Variants in B3GALT1 observed in about 807,000 individuals in gnomAD.
B3GALT1 encodes beta-1,3-galactosyltransferase 1, also known as UDP-Gal:betaGlcNAc beta 1,3-galactosyltransferase, polypeptide 1.
In B3GALT1, 10 loss-of-function variants were observed where a neutral mutation model predicts 23.2. The observed-to-expected ratio is 0.43, with a 90% CI of 0.27 to 0.73. The LOEUF (loss-of-function observed/expected upper bound fraction) is 0.73. Among genes scored for constraint, B3GALT1 ranks in the 30% least tolerant of loss-of-function variants. B3GALT1 has a pLI of 0.21. For missense variants in B3GALT1, 299 were observed against 405.4 expected (o/e 0.74, Z 2.25); for synonymous variants, 156 against 141.5 (o/e 1.10, Z -0.73).
At chr2:167,483,091 C>T (rs1285577523) in intron 1 of B3GALT1, among the ~76,000 whole-genome samples, 3 of 151,748 alleles carry the variant, frequency 2.0e-5, no homozygotes, top group Non-Finnish European at 4.4e-5. Flanking sequence ...GATGGGAGTT[C>T]GAGACCAGCC....
chr2:167,502,285 T>A (rs1462381308), intron 2 of B3GALT1, among the ~76,000 whole-genome samples: 2 of 152,006 alleles, frequency 1.3e-5, no homozygotes, highest in African/African-American at 4.8e-5. Flanking sequence ...GAGGGGTGAC[T>A]CCCCAGGAGA....
At chr2:167,435,665 C>G (rs185456357) in intron 1 of B3GALT1, among the ~76,000 whole-genome samples, 2 of 152,006 alleles carry the variant, frequency 1.3e-5, no homozygotes, top group African/African-American at 4.8e-5. Context: ...ATAATAAGCT[C>G]AAAGATACAT....
rs568090147 is a variant in B3GALT1, at chr2:167,404,306, C to G, written c.-510-85871C>G. The stretch of plus-strand genomic sequence containing the variant: ...GCCTCCATAACCCAAACACCACCCC[C>G]CCATTAGGCCCCACCTCTTACACTG... On this transcript the variant is annotated intron_variant, in intron 1 of 4. Coordinates refer to ENST00000392690, the MANE Select transcript of B3GALT1 (RefSeq NM_020981.4). Among the ~76,000 whole-genome samples, 152 of 152,252 alleles carry G rather than the reference C, an allele frequency of 1.0e-3. 2 individuals carry two copies. The Middle Eastern group carries it at 0.014, about 14-fold the overall frequency.
intron 3 of B3GALT1, among the ~76,000 whole-genome samples, chr2:167,727,114 T>C (rs1205230943): frequency 6.6e-6 from 1 of 152,068 alleles, no homozygotes; most frequent in Non-Finnish European, 1.5e-5. Flanking sequence ...CTTTTTTTTT[T>C]AGCTTAGAGA....
At chr2:167,654,800 T>A (rs1685929334) in intron 3 of B3GALT1, among the ~76,000 whole-genome samples, 1 of 67,940 alleles carries the variant, frequency 1.5e-5, no homozygotes, top group Admixed American at 1.7e-4. Flanking sequence ...CCAGCCTCTT[T>A]CTTTTTTTTT....
At chr2:167,360,433 A>G (rs1697482549) in intron 1 of B3GALT1, among the ~76,000 whole-genome samples, 1 of 152,186 alleles carries the variant, frequency 6.6e-6, no homozygotes, top group Non-Finnish European at 1.5e-5. Flanking sequence ...GAGAACATCT[A>G]GTCAGTAGGA....
At chr2:167,463,399 C>T (rs1181603474) in intron 1 of B3GALT1, among the ~76,000 whole-genome samples, 1 of 152,032 alleles carries the variant, frequency 6.6e-6, no homozygotes, top group South Asian at 2.1e-4. Flanking sequence ...CACTAATAGC[C>T]TGTATTGTTT....
chr2:167,651,492 A>G (rs1448635532), intron 3 of B3GALT1, among the ~76,000 whole-genome samples: 5 of 152,128 alleles, frequency 3.3e-5, no homozygotes, highest in African/African-American at 4.8e-5. Flanking sequence ...CAGTCAACAT[A>G]GTTGTTTCTT....
At chr2:167,364,573 G>A (rs995469525) in intron 1 of B3GALT1, among the ~76,000 whole-genome samples, 5 of 152,062 alleles carry the variant, frequency 3.3e-5, no homozygotes, top group Non-Finnish European at 7.4e-5. Flanking sequence ...CCACCTATGA[G>A]TGAGAACATG....
intron 2 of B3GALT1, among the ~76,000 whole-genome samples, chr2:167,554,460 C>T (rs892251528): frequency 1.3e-5 from 2 of 152,156 alleles, no homozygotes; most frequent in African/African-American, 2.4e-5. Flanking sequence ...GAAGGTAACA[C>T]TAAGAATTGT....
chr2:167,472,482 C>T (rs1317011100), intron 1 of B3GALT1, among the ~76,000 whole-genome samples: 1 of 152,058 alleles, frequency 6.6e-6, no homozygotes, highest in Non-Finnish European at 1.5e-5. Flanking sequence ...TGGGCACTAC[C>T]CCTTGAGTCC....
intron 2 of B3GALT1, among the ~76,000 whole-genome samples, chr2:167,524,151 C>T (rs144135707): frequency 1.3e-5 from 2 of 152,142 alleles, no homozygotes; most frequent in African/African-American, 2.4e-5. Context: ...TATTTTTGCC[C>T]ATGAGAAGCA....
intron 2 of B3GALT1, among the ~76,000 whole-genome samples, chr2:167,631,305 A>G (rs1235734745): frequency 6.6e-6 from 1 of 151,876 alleles, no homozygotes; most frequent in Non-Finnish European, 1.5e-5. Context: ...GATCAGGACA[A>G]AACACCTGGA....
chr2:167,504,795 A>T (rs1699896500), intron 2 of B3GALT1, among the ~76,000 whole-genome samples: 1 of 152,222 alleles, frequency 6.6e-6, no homozygotes, highest in Non-Finnish European at 1.5e-5. Context: ...GTACAGTAAC[A>T]TGCAGTACAG....
chr2:167,758,853 G>A (rs1270553767), intron 3 of B3GALT1, among the ~76,000 whole-genome samples: 3 of 152,152 alleles, frequency 2.0e-5, no homozygotes, highest in Non-Finnish European at 4.4e-5. Flanking sequence ...CTGTGGTCCA[G>A]GGTAACTGTT....
intron 2 of B3GALT1, among the ~76,000 whole-genome samples, chr2:167,634,333 A>G (rs1685510951): frequency 6.6e-6 from 1 of 152,138 alleles, no homozygotes; most frequent in Non-Finnish European, 1.5e-5. Context: ...AGCAGAAGGC[A>G]AGAAATAACT....
chr2:167,465,590 C>T (rs1213345612), intron 1 of B3GALT1, among the ~76,000 whole-genome samples: 1 of 152,168 alleles, frequency 6.6e-6, no homozygotes, highest in Non-Finnish European at 1.5e-5. Flanking sequence ...ACTCCACCCT[C>T]ATGACTTAAT....
intron 2 of B3GALT1, among the ~76,000 whole-genome samples, chr2:167,554,300 T>A (rs908268165): frequency 1.3e-5 from 2 of 152,204 alleles, no homozygotes; most frequent in Non-Finnish European, 2.9e-5. Context: ...TCTGAATAGT[T>A]AGTTGCTATG....
chr2:167,823,732 G>A (rs895034924), intron 4 of B3GALT1, among the ~76,000 whole-genome samples: 7 of 152,170 alleles, frequency 4.6e-5, no homozygotes, highest in East Asian at 1.9e-4. Flanking sequence ...ACAGGCCAGT[G>A]GGGGAACCAA....
Sources: allele counts gnomAD v4.1 joint callset (sites outside exome capture counted in the v4.1 genomes callset), GRCh38; gene constraint gnomAD v4.1.1; transcripts MANE v1.5; gene names NCBI Gene and HGNC (gene_info 2026-07-23, HGNC 2026-07-21).